Variants in UBE2H observed in about 807,000 individuals in gnomAD.
UBE2H encodes the protein ubiquitin conjugating enzyme E2 H, also known as ubiquitin-conjugating enzyme E2 H.
UBE2H carries 3 observed loss-of-function variants against 29.0 expected under a neutral mutation model. The ratio of observed to expected loss-of-function variants is 0.10; its 90% confidence interval spans 0.05 to 0.27. The LOEUF is 0.27. UBE2H is among the 10% of genes least tolerant of loss of function. UBE2H has a pLI of 1.00. For synonymous variants in UBE2H, 69 were observed against 82.9 expected, an observed-to-expected ratio of 0.83 and a Z score of 0.91; for missense variants, 68 against 228.2, an observed-to-expected ratio of 0.30 and a Z score of 4.52.
chr7:129,930,094 A>C (rs1195240988), intron 1 of UBE2H, among the ~76,000 whole-genome samples: 2 of 152,164 alleles, frequency 1.3e-5, no homozygotes, highest in Non-Finnish European at 2.9e-5. Context: ...TCATAATATG[A>C]CTTCTCTTCC....
intron 3 of UBE2H, among the ~76,000 whole-genome samples, chr7:129,868,529 G>A (rs1414928801): frequency 1.4e-5 from 2 of 139,614 alleles, no homozygotes; most frequent in African/African-American, 5.3e-5. Context: ...GCAGTGAGCC[G>A]AGATTGCGCC....
At chr7:129,839,097 G>C in intron 6 of UBE2H, 110 bp downstream of exon 6, 3 of 1,480,406 alleles carry the variant, frequency 2.0e-6, no homozygotes, top group Non-Finnish European at 2.7e-6. Context: ...TCTCTTTTTA[G>C]GCCTAAGAAA....
At position 129,831,548 on chromosome 7, in the gene UBE2H, CAGG is replaced by C. The variant is rs1384437612; in HGVS notation, c.*3386_*3388del. The C allele has an allele frequency of 6.6e-6, 1 of 152,210 alleles. No individual in the cohort carries two copies. Among genetic ancestry groups the C allele is most frequent in the Middle Eastern group, 3.2e-3 (1 of 316 alleles). 9.4% of individuals were successfully genotyped at this position (152,210 alleles called of 1,614,324 possible). On this transcript the variant is annotated 3_prime_UTR_variant, in exon 7 of 7. Coordinates refer to ENST00000355621, the MANE Select transcript of UBE2H (RefSeq NM_003344.4). The stretch of plus-strand genomic sequence containing the variant: ...AATTCCTTTGAGAGGAGACATTCCT[CAGG>C]AGCTTAGATCAGCCAGCTGGCAGTC...
intron 6 of UBE2H, among the ~76,000 whole-genome samples, chr7:129,836,192 T>G (rs1054408813): frequency 1.3e-5 from 2 of 152,232 alleles, no homozygotes; most frequent in African/African-American, 4.8e-5. Flanking sequence ...ATTCAAACTT[T>G]AACAATTTTA....
At chr7:129,870,689 CTG>C (rs960540696) in intron 3 of UBE2H, among the ~76,000 whole-genome samples, 1 of 152,068 alleles carries the variant, frequency 6.6e-6, no homozygotes, top group Non-Finnish European at 1.5e-5. Context: ...TATCCCGTCA[CTG>C]TGTCTTGCCC....
chr7:129,899,260 G>A (rs1393416760), intron 1 of UBE2H, among the ~76,000 whole-genome samples: 1 of 152,108 alleles, frequency 6.6e-6, no homozygotes, highest in Non-Finnish European at 1.5e-5. Flanking sequence ...TCTATTCAAA[G>A]GGCTGTATAC....
rs139773214 is a variant in UBE2H at position 129,901,196 on chromosome 7, T to C, written c.54-20225A>G. On this transcript the variant is annotated intron_variant, in intron 1 of 6. Coordinates refer to ENST00000355621, the MANE Select transcript of UBE2H (RefSeq NM_003344.4). The stretch of plus-strand genomic sequence containing the variant: ...ACATGTTTAAACACATCAAGATGAG[T>C]ATTTGTATTTAAATGTTTTCCCTAG... Among the ~76,000 whole-genome samples the C allele has an allele frequency of 3.9e-4, 60 of 152,324 alleles. 1 individual carries two copies. The highest frequency in any genetic ancestry group is 1.4e-3 in the African/African-American group (59 of 41,570).
At chr7:129,864,041 C>T (rs1187975977) in intron 3 of UBE2H, among the ~76,000 whole-genome samples, 2 of 152,186 alleles carry the variant, frequency 1.3e-5, no homozygotes, top group African/African-American at 2.4e-5. Context: ...GATCCACCCA[C>T]CTCAGCCTCC....
intron 1 of UBE2H, among the ~76,000 whole-genome samples, chr7:129,946,398 A>G (rs55767113): frequency 0.062 from 9,382 of 152,278 alleles, 360 homozygotes; most frequent in Non-Finnish European, 0.091. Context: ...AGTTGCAAAA[A>G]TATTAAGCAA....
chr7:129,836,050 T>C (rs1038480921), intron 6 of UBE2H, among the ~76,000 whole-genome samples: 4 of 152,202 alleles, frequency 2.6e-5, no homozygotes, highest in African/African-American at 9.6e-5. Context: ...TGTGGTCCTT[T>C]ACAGAAAAGG....
At chr7:129,935,684 G>A (rs1020747542) in intron 1 of UBE2H, among the ~76,000 whole-genome samples, 4 of 151,924 alleles carry the variant, frequency 2.6e-5, no homozygotes, top group Non-Finnish European at 5.9e-5. Flanking sequence ...TTTTCTTTAC[G>A]AATCTTATAT....
At chr7:129,841,102 C>CTGA (rs1428872794) in intron 5 of UBE2H, among the ~76,000 whole-genome samples, 2 of 152,178 alleles carry the variant, frequency 1.3e-5, no homozygotes, top group African/African-American at 4.8e-5. Flanking sequence ...TTAAGAAACC[C>CTGA]TGATCTAGAT....
At chr7:129,944,744 A>ACGCACG (rs1287807660) in intron 1 of UBE2H, among the ~76,000 whole-genome samples, 20 of 138,600 alleles carry the variant, frequency 1.4e-4, no homozygotes, top group Admixed American at 5.1e-4. Context: ...ACACACACAC[A>ACGCACG]CACACACGCA....
chr7:129,878,932 A>C (rs1025249654), intron 3 of UBE2H, among the ~76,000 whole-genome samples: 1 of 151,740 alleles, frequency 6.6e-6, no homozygotes, highest in African/African-American at 2.4e-5. Context: ...AAAGGTGTCC[A>C]CCTTCAATCA....
chr7:129,831,913 A>G lies in UBE2H; in HGVS notation c.*3024T>C, dbSNP rs1324077065. On this transcript the variant is annotated 3_prime_UTR_variant, in exon 7 of 7. Transcript: ENST00000355621. ...AGAATGGCTTGTGCTGGTAAAACTC[A>G]AGGGAGGATCCAAAAACTATGGGCA... 1 of 152,246 alleles carries G rather than the reference A, an allele frequency of 6.6e-6. No individual in the cohort carries two copies. The highest frequency in any genetic ancestry group is 6.5e-5 in the Admixed American group (1 of 15,280). 9.4% of individuals were successfully genotyped at this position (152,246 alleles called of 1,614,324 possible). A position where few individuals can be genotyped will look rare whatever the true frequency, so the allele number is the denominator to read the frequency against.
At position 129,952,702 on chromosome 7, in the gene UBE2H, C is replaced by T. The variant is rs1045894; in HGVS notation, c.-147G>A. On this transcript the variant is annotated 5_prime_UTR_variant, in exon 1 of 7. Transcript: ENST00000355621. ...GCGGTCCCGTCAGCCGCCGCCGCCGCCCCCCGCACGGGGGAACACCGGGCA... is the reference window on the plus strand; with the variant it reads ...GCGGTCCCGTCAGCCGCCGCCGCCGTCCCCCGCACGGGGGAACACCGGGCA... The T allele has an allele frequency of 0.092, 81,233 of 878,590 alleles. 4,667 individuals carry two copies. The highest frequency in any genetic ancestry group is 0.11 in the Non-Finnish European group (69,765 of 636,570). The allele number at this position is 878,590 out of a possible 1,614,324, so 54.4% of individuals were successfully genotyped here.
In UBE2H at chr7:129,832,520, C is replaced by T. The variant is rs1805248254; in HGVS notation, c.*2417G>A. 6.6e-6 allele frequency: 1 copy of T among 152,054 alleles called. No homozygotes were observed. The highest frequency in any genetic ancestry group is 2.4e-5 in the African/African-American group (1 of 41,318). 9.4% of individuals were successfully genotyped at this position (152,054 alleles called of 1,614,324 possible). Reference sequence around the variant, plus strand: ...TACACACACTCTCTCTCTCTGCAGCCACACTCAAATCTGCTAAACTCCTAC... The same window carrying T: ...TACACACACTCTCTCTCTCTGCAGCTACACTCAAATCTGCTAAACTCCTAC... On this transcript the variant is annotated 3_prime_UTR_variant, in exon 7 of 7. Transcript: ENST00000355621.
chr7:129,872,427 A>C (rs891677754), intron 3 of UBE2H, among the ~76,000 whole-genome samples: 1 of 152,188 alleles, frequency 6.6e-6, no homozygotes, highest in East Asian at 1.9e-4. Context: ...CTCCAAAAAT[A>C]GTGTGAGGTC....
intron 1 of UBE2H, among the ~76,000 whole-genome samples, chr7:129,924,647 C>CACACAG (rs940761824): frequency 6.6e-6 from 1 of 151,154 alleles, no homozygotes; most frequent in African/African-American, 2.4e-5. Context: ...CACACACACA[C>CACACAG]AGAAAATAAG....
Sources: allele counts gnomAD v4.1 joint callset (sites outside exome capture counted in the v4.1 genomes callset), GRCh38; gene constraint gnomAD v4.1.1; transcripts MANE v1.5; gene names NCBI Gene and HGNC (gene_info 2026-07-23, HGNC 2026-07-21).